The following PDZD2 variants were observed in gnomAD, a reference collection of about 807,000 sequenced individuals.
PDZD2 encodes the protein PDZ domain-containing protein 2.
In PDZD2, 90 loss-of-function variants were observed where a neutral mutation model predicts 220.7. The observed-to-expected ratio is 0.41, with a 90% CI of 0.34 to 0.49. PDZD2 has a LOEUF of 0.49. Among genes scored for constraint, PDZD2 ranks in the 20% least tolerant of loss-of-function variants. The pLI, the probability that PDZD2 is intolerant of heterozygous loss-of-function variation, is 0.28. For synonymous variants in PDZD2, 1,375 were observed against 1,450.5 expected, an observed-to-expected ratio of 0.95 and a Z score of 1.18; for missense variants, 3,174 against 3,608.5, an observed-to-expected ratio of 0.88 and a Z score of 3.08.
At chr5:31,955,581 C>T (rs952651821) in intron 2 of PDZD2, among the ~76,000 whole-genome samples, 3 of 152,078 alleles carry the variant, frequency 2.0e-5, no homozygotes, top group African/African-American at 7.2e-5. Context: ...GGATTACAGG[C>T]GTCAGCCACC....
intron 2 of PDZD2, among the ~76,000 whole-genome samples, chr5:31,865,049 T>G (rs1324333898): frequency 4.0e-5 from 6 of 151,482 alleles, no homozygotes; most frequent in African/African-American, 1.5e-4. Flanking sequence ...GGGTTTCACC[T>G]TGTTAGCCAG....
chr5:31,639,602 G>T lies in PDZD2; in HGVS notation c.-361+165G>T, dbSNP rs1744858558. 1.3e-5 allele frequency among the ~76,000 whole-genome samples: 2 copies of T among 152,176 alleles called. No individual in the cohort carries two copies. Among genetic ancestry groups the T allele is most frequent in the Non-Finnish European group, 2.9e-5 (2 of 68,010 alleles). On this transcript the variant is annotated intron_variant, in intron 1 of 24. Transcript: ENST00000438447. The surrounding 1 kb of genome is among the most constrained non-coding windows in gnomAD (Gnocchi z 4.1). The stretch of plus-strand genomic sequence containing the variant: ...GGCGGGGAGTGAGGACGCCGAACCG[G>T]GGTCCCACGTTGGGCGGCGCAAACT...
chr5:31,885,139 G>A (rs1240348385), intron 2 of PDZD2, among the ~76,000 whole-genome samples: 1 of 117,134 alleles, frequency 8.5e-6, no homozygotes, highest in Non-Finnish European at 1.8e-5. Flanking sequence ...GCAACTCCCA[G>A]AAGAAAAAGT....
chr5:31,784,902 G>A (rs7723548), intron 1 of PDZD2, among the ~76,000 whole-genome samples: 15,103 of 151,230 alleles, frequency 0.1, 820 homozygotes, highest in South Asian at 0.18. Context: ...GCGAGATGCC[G>A]TCTCAAAAAA....
At chr5:31,717,808 G>A (rs769799511) in intron 1 of PDZD2, among the ~76,000 whole-genome samples, 1 of 152,166 alleles carries the variant, frequency 6.6e-6, no homozygotes, top group Non-Finnish European at 1.5e-5. Flanking sequence ...GAGGGAAGGC[G>A]GGAGCCCTTC....
intron 2 of PDZD2, among the ~76,000 whole-genome samples, chr5:31,803,644 G>A (rs1052659648): frequency 1.3e-5 from 2 of 152,072 alleles, no homozygotes; most frequent in Non-Finnish European, 2.9e-5. Context: ...GTATGTTAAA[G>A]CTCTACTCAC....
At chr5:32,046,077 G>A (rs770280402) in intron 7 of PDZD2, among the ~76,000 whole-genome samples, 1 of 151,974 alleles carries the variant, frequency 6.6e-6, no homozygotes, top group African/African-American at 2.4e-5. Flanking sequence ...ATGTACACAC[G>A]CAGATAGGTA....
intron 2 of PDZD2, among the ~76,000 whole-genome samples, chr5:31,963,659 C>T (rs1019290907): frequency 1.3e-5 from 2 of 152,210 alleles, no homozygotes; most frequent in African/African-American, 2.4e-5. Flanking sequence ...GAGTTCAGGT[C>T]AGGCCAGAAG....
intron 1 of PDZD2, chr5:31,741,971 A>G (rs561840399): frequency 6.6e-6 from 1 of 152,346 alleles, no homozygotes; most frequent in African/African-American, 2.4e-5. Context: ...TTCCTCCAGA[A>G]AACTGCATAG....
chr5:32,031,452 C>A (rs550072425), intron 6 of PDZD2, among the ~76,000 whole-genome samples: 15 of 152,296 alleles, frequency 9.8e-5, no homozygotes, highest in Middle Eastern at 3.4e-3. Context: ...AAAAACTGAG[C>A]ATTTCAGGCA....
chr5:31,815,047 A>G (rs1755350578), intron 2 of PDZD2, among the ~76,000 whole-genome samples: 1 of 151,812 alleles, frequency 6.6e-6, no homozygotes, highest in African/African-American at 2.4e-5. Context: ...GTTTGAGACC[A>G]GCCTGGCCAA....
chr5:32,025,815 G>C (rs1373336181), intron 6 of PDZD2, among the ~76,000 whole-genome samples: 3 of 151,762 alleles, frequency 2.0e-5, no homozygotes, highest in African/African-American at 7.3e-5. Context: ...TGCCCAGGCT[G>C]GTCTCAACCC....
chr5:31,860,100 C>G (rs1278267498), intron 2 of PDZD2, among the ~76,000 whole-genome samples: 3 of 151,852 alleles, frequency 2.0e-5, no homozygotes, highest in Non-Finnish European at 2.9e-5. Flanking sequence ...CTGCAGTGTT[C>G]TGGGAACCAG....
In PDZD2 at chr5:31,869,242, A is replaced by G. The variant is rs376837349; in HGVS notation, c.476+69518A>G. Among the ~76,000 whole-genome samples the G allele has an allele frequency of 1.1e-4, 16 of 152,218 alleles. No homozygotes were observed. The East Asian group carries it at 2.1e-3, about 20-fold the overall frequency. On this transcript the variant is annotated intron_variant, in intron 2 of 24. Transcript: ENST00000438447. ...GGACTTGGTCAGCTGTGCGGGAGGA[A>G]CCTGTGCTGTCTGTAGGTAAATTCC... is the stretch of plus-strand genomic sequence containing the variant.
chr5:31,674,357 T>C lies in PDZD2; in HGVS notation c.-361+34920T>C, dbSNP rs115296100. 6.3e-3 allele frequency among the ~76,000 whole-genome samples: 958 copies of C among 152,342 alleles called. 7 individuals carry two copies. The highest frequency in any genetic ancestry group is 0.022 in the African/African-American group (926 of 41,576). ...AGAACAGAGCTTTATGCTACACTTATGGCCTTTCTCCTTTGGAGGAACTTG... is the reference window on the plus strand; with the variant it reads ...AGAACAGAGCTTTATGCTACACTTACGGCCTTTCTCCTTTGGAGGAACTTG... On this transcript the variant is annotated intron_variant, in intron 1 of 24. Transcript: ENST00000438447.
intron 2 of PDZD2, among the ~76,000 whole-genome samples, chr5:31,896,175 A>T (rs530332415): frequency 6.6e-6 from 1 of 152,150 alleles, no homozygotes; most frequent in African/African-American, 2.4e-5. Context: ...GAAAGGTAAA[A>T]AATAAATACA....
chr5:32,089,363 C>T lies in PDZD2; in HGVS notation c.5915C>T (p.Pro1972Leu), dbSNP rs947247396. Residue 1972 changes from proline to leucine, a missense_variant, in exon 20 of 25, where the codon CCC becomes CTC. Pro to Leu is a moderately conservative substitution (Grantham distance 98). Coordinates refer to ENST00000438447, the MANE Select transcript of PDZD2 (RefSeq NM_178140.4). The stretch of plus-strand genomic sequence containing the variant: ...CTTGCCACCTCTGGGCCACTGAAAC[C>T]CTCAGTGTCTGACACGAGCATCAGG... ...PPLATSGPLK[P>L]SVSDTSIRTF... 2 of 1,614,090 alleles carry T rather than the reference C, an allele frequency of 1.2e-6. No homozygotes were observed. Among genetic ancestry groups the T allele is most frequent in the Non-Finnish European group, 1.7e-6 (2 of 1,179,982 alleles).
In PDZD2 at chr5:31,799,207, G is replaced by T; in HGVS notation, c.-42G>T. 1 of 1,425,488 alleles carries T rather than the reference G, an allele frequency of 7.0e-7. No individual in the cohort carries two copies. The highest frequency in any genetic ancestry group is 9.7e-7 in the Non-Finnish European group (1 of 1,035,558). 88.3% of individuals were successfully genotyped at this position (1,425,488 alleles called of 1,614,324 possible). On this transcript the variant is annotated 5_prime_UTR_variant, in exon 2 of 25. The change creates a premature stop within an existing upstream ORF in the 5' untranslated region. Transcript: ENST00000438447. ...GGGCCCTGTGGGGTCTGGCCCCCAG[G>T]AGCAAGACCTCTGATGATGCTGGTG...
intron 2 of PDZD2, among the ~76,000 whole-genome samples, chr5:31,851,634 A>G (rs552380890): frequency 3.3e-5 from 5 of 152,316 alleles, no homozygotes; most frequent in African/African-American, 1.2e-4. Context: ...CTGGGTATGC[A>G]TATAGCAATT....
Sources: allele counts gnomAD v4.1 joint callset (sites outside exome capture counted in the v4.1 genomes callset), GRCh38; gene constraint gnomAD v4.1.1; non-coding constraint Gnocchi (gnomAD v3.1); transcripts MANE v1.5; gene names NCBI Gene and HGNC (gene_info 2026-07-23, HGNC 2026-07-21).